Variants in DOCK1 observed in about 807,000 individuals in gnomAD.
The protein encoded by DOCK1 is dedicator of cytokinesis protein 1.
Under a neutral mutation model 262.7 loss-of-function variants are expected in DOCK1, and 138 were observed. That is an observed-to-expected ratio of 0.53 (90% CI 0.46 to 0.61). The LOEUF (loss-of-function observed/expected upper bound fraction) is 0.61. Ranked by LOEUF, DOCK1 falls within the 20% of genes least tolerant of loss-of-function variation. DOCK1 has a pLI of 0.00. For missense variants in DOCK1, 1,908 were observed against 2,370.7 expected (o/e 0.80, Z 4.05); for synonymous variants, 866 against 867.4 (o/e 1.00, Z 0.03).
At chr10:127,127,915 T>C (rs1422933812) in intron 27 of DOCK1, 151 bp downstream of exon 27, 1 of 563,368 alleles carries the variant, frequency 1.8e-6, no homozygotes, top group Non-Finnish European at 2.8e-6. Flanking sequence ...TCCAAATGAA[T>C]GTCAAAGTTG....
intron 23 of DOCK1, among the ~76,000 whole-genome samples, chr10:127,089,051 C>T (rs1383872233): frequency 3.3e-5 from 5 of 152,192 alleles, no homozygotes; most frequent in African/African-American, 1.2e-4. Context: ...CCGCAGCCAC[C>T]AGCACCTAAC....
chr10:127,369,468 A>G (rs189373000), intron 33 of DOCK1, among the ~76,000 whole-genome samples: 5 of 152,352 alleles, frequency 3.3e-5, no homozygotes, highest in Admixed American at 3.3e-4. Flanking sequence ...CCCTCCAGCA[A>G]AGAGATTCTT....
chr10:127,447,328 A>G, intron 50 of DOCK1, 66 bp from the exon 51 acceptor site: 1 of 1,561,944 alleles, frequency 6.4e-7, no homozygotes, highest in Non-Finnish European at 8.7e-7. Flanking sequence ...AACGTGGAGC[A>G]GCTCCCTGAG....
intron 23 of DOCK1, among the ~76,000 whole-genome samples, chr10:127,081,660 C>A (rs758555765): frequency 6.6e-6 from 1 of 152,030 alleles, no homozygotes; most frequent in Non-Finnish European, 1.5e-5. Context: ...GATTTCCTGG[C>A]CTGATTTCAA....
At chr10:126,910,294 T>A (rs2134006737) in intron 1 of DOCK1, among the ~76,000 whole-genome samples, 1 of 152,340 alleles carries the variant, frequency 6.6e-6, no homozygotes, top group Admixed American at 6.5e-5. Flanking sequence ...AGACATCTGA[T>A]CAGGATTGTC....
At chr10:127,041,070 G>A (rs72834638) in intron 19 of DOCK1, among the ~76,000 whole-genome samples, 29,926 of 152,038 alleles carry the variant, frequency 0.2, 3,155 homozygotes, top group East Asian at 0.28. Context: ...TATTCATGCC[G>A]TAGTGACTAT....
At chr10:127,334,333 A>G (rs1283106032) in intron 29 of DOCK1, among the ~76,000 whole-genome samples, 1 of 152,228 alleles carries the variant, frequency 6.6e-6, no homozygotes, top group Non-Finnish European at 1.5e-5. Flanking sequence ...TGACACTGTC[A>G]AGAATTAGTA....
intron 31 of DOCK1, among the ~76,000 whole-genome samples, chr10:127,346,489 A>T (rs1239714348): frequency 1.3e-5 from 2 of 152,134 alleles, no homozygotes. Context: ...CCAGCTACTC[A>T]GGAGGCTGAA....
intron 1 of DOCK1, among the ~76,000 whole-genome samples, chr10:126,955,025 C>T (rs1346502611): frequency 1.3e-5 from 2 of 152,216 alleles, no homozygotes; most frequent in Non-Finnish European, 2.9e-5. Flanking sequence ...TTCCTGTGAC[C>T]AGTGCACAAG....
chr10:127,151,485 C>G (rs1238359530), intron 27 of DOCK1, among the ~76,000 whole-genome samples: 1 of 152,062 alleles, frequency 6.6e-6, no homozygotes, highest in Non-Finnish European at 1.5e-5. Context: ...TTTTAAAAAT[C>G]AGGAAAGAAA....
intron 25 of DOCK1, among the ~76,000 whole-genome samples, chr10:127,120,100 T>A (rs1384198282): frequency 6.6e-6 from 1 of 152,208 alleles, no homozygotes; most frequent in Non-Finnish European, 1.5e-5. Flanking sequence ...TGGCTACCTT[T>A]ATAGCTCTGT....
At chr10:127,069,281 C>T (rs1339198215) in intron 23 of DOCK1, among the ~76,000 whole-genome samples, 2 of 152,260 alleles carry the variant, frequency 1.3e-5, no homozygotes, top group Middle Eastern at 3.4e-3. Flanking sequence ...TCAGAAGCCA[C>T]CTGCTTCTGT....
chr10:127,337,702 G>A (rs2063262735), intron 29 of DOCK1, among the ~76,000 whole-genome samples: 1 of 152,160 alleles, frequency 6.6e-6, no homozygotes, highest in Non-Finnish European at 1.5e-5. Context: ...TGTCCCCGGG[G>A]AAGAAGTCAA....
At chr10:127,322,516 G>T (rs1291548534) in intron 29 of DOCK1, among the ~76,000 whole-genome samples, 1 of 139,990 alleles carries the variant, frequency 7.1e-6, no homozygotes, top group Middle Eastern at 3.5e-3. Flanking sequence ...CTAAACCAGG[G>T]GTTGACAAGC....
chr10:127,442,488 A>G (rs1359994134), intron 49 of DOCK1, among the ~76,000 whole-genome samples: 1 of 152,142 alleles, frequency 6.6e-6, no homozygotes, highest in Non-Finnish European at 1.5e-5. Flanking sequence ...CTGTTCCCCA[A>G]AGCCTGATGA....
At chr10:127,336,576 G>A (rs2063202781) in intron 29 of DOCK1, among the ~76,000 whole-genome samples, 1 of 144,682 alleles carries the variant, frequency 6.9e-6, no homozygotes, top group Non-Finnish European at 1.5e-5. Context: ...GTCTCACTCT[G>A]TCACCCAGGC....
chr10:127,450,347 A>G lies in DOCK1; in HGVS notation c.5566-985A>G, dbSNP rs187312493. Among the ~76,000 whole-genome samples the G allele has an allele frequency of 2.6e-5, 4 of 152,330 alleles. No homozygotes were observed. In the East Asian group the frequency reaches 7.7e-4, roughly 29 times the overall value. ...AATGCAAACCCACACTGAGAGGCTG[A>G]TAAAAATCCACTCTTACCCTTAAGT... On this transcript the variant is annotated intron_variant, in intron 51 of 51. Transcript: ENST00000623213.
intron 38 of DOCK1, among the ~76,000 whole-genome samples, chr10:127,388,809 G>T (rs990533180): frequency 2.0e-5 from 3 of 152,204 alleles, no homozygotes; most frequent in Admixed American, 1.3e-4. Flanking sequence ...GTGGAGAAGT[G>T]CACTTAGGGG....
At chr10:127,232,390 G>A (rs2058881567) in intron 27 of DOCK1, among the ~76,000 whole-genome samples, 1 of 152,134 alleles carries the variant, frequency 6.6e-6, no homozygotes, top group South Asian at 2.1e-4. Context: ...ATCCCTTGCT[G>A]GATACTGTGG....
Sources: allele counts gnomAD v4.1 joint callset (sites outside exome capture counted in the v4.1 genomes callset), GRCh38; gene constraint gnomAD v4.1.1; transcripts MANE v1.5; gene names NCBI Gene and HGNC (gene_info 2026-07-23, HGNC 2026-07-21).